RBFOX1: variants seen among roughly 807,000 people sequenced by gnomAD.
The protein encoded by RBFOX1 is RNA binding fox-1 homolog 1.
RBFOX1 carries 8 observed loss-of-function variants against 57.7 expected under a neutral mutation model. That is an observed-to-expected ratio of 0.14 (90% confidence interval 0.08 to 0.25). The LOEUF (loss-of-function observed/expected upper bound fraction) is 0.25. Ranked by LOEUF, RBFOX1 falls within the 10% of genes least tolerant of loss-of-function variation. The pLI, the probability that RBFOX1 is intolerant of heterozygous loss-of-function variation, is 1.00. For synonymous variants in RBFOX1, 326 were observed against 222.4 expected, an observed-to-expected ratio of 1.47 and a Z score of -4.15; for missense variants, 611 against 548.5, an observed-to-expected ratio of 1.11 and a Z score of -1.14.
chr16:7,001,393 TGTATTTGTATA>T (rs1568311707), intron 3 of RBFOX1, among the ~76,000 whole-genome samples: 2,090 of 116,726 alleles, frequency 0.018, 40 homozygotes, highest in African/African-American at 0.09. Context: ...TATGTGTATG[TGTATTTGTATA>T]TGTATATGTA....
intron 4 of RBFOX1, among the ~76,000 whole-genome samples, chr16:7,502,681 T>C (rs1159311862): frequency 6.6e-6 from 1 of 152,210 alleles, no homozygotes; most frequent in Non-Finnish European, 1.5e-5. Context: ...TGGTGAGGCA[T>C]AAACTTTTAT....
chr16:7,116,881 A>T (rs2066021617), intron 4 of RBFOX1, among the ~76,000 whole-genome samples: 1 of 152,088 alleles, frequency 6.6e-6, no homozygotes, highest in South Asian at 2.1e-4. Flanking sequence ...TCAACACAAG[A>T]TTTAAATAAT....
intron 1 of RBFOX1, among the ~76,000 whole-genome samples, chr16:6,164,544 G>T (rs541927971): frequency 5.1e-4 from 76 of 149,802 alleles, no homozygotes; most frequent in Non-Finnish European, 8.6e-4. Flanking sequence ...TCGGCCCACT[G>T]CAACCTCTGC....
intron 4 of RBFOX1, among the ~76,000 whole-genome samples, chr16:5,942,887 A>G (rs970088524): frequency 2.6e-5 from 4 of 152,172 alleles, no homozygotes; most frequent in Non-Finnish European, 4.4e-5. Context: ...TGTGGTTGCC[A>G]TCTTTATTGT....
chr16:6,432,122 T>A (rs2094118049), intron 2 of RBFOX1, among the ~76,000 whole-genome samples: 2 of 151,964 alleles, frequency 1.3e-5, no homozygotes, highest in Non-Finnish European at 2.9e-5. Flanking sequence ...CCATCAGGCC[T>A]TACCTATTTT....
At chr16:6,789,536 C>G (rs755607089) in intron 3 of RBFOX1, among the ~76,000 whole-genome samples, 5 of 152,166 alleles carry the variant, frequency 3.3e-5, no homozygotes, top group Non-Finnish European at 7.3e-5. Flanking sequence ...CAAATTTAAG[C>G]AAATTATTGC....
At chr16:6,533,488 A>C (rs1951949175) in intron 2 of RBFOX1, among the ~76,000 whole-genome samples, 1 of 152,096 alleles carries the variant, frequency 6.6e-6, no homozygotes, top group South Asian at 2.1e-4. Flanking sequence ...TGGACTCTAC[A>C]CTTGACACAG....
intron 1 of RBFOX1, among the ~76,000 whole-genome samples, chr16:6,277,199 A>T (rs78150755): frequency 0.18 from 27,652 of 151,790 alleles, 2,548 homozygotes; most frequent in African/African-American, 0.2. Flanking sequence ...AGTGGCTCAC[A>T]CCTGTAATCC....
chr16:6,287,975 C>T (rs1454132391), intron 1 of RBFOX1, among the ~76,000 whole-genome samples: 1 of 152,078 alleles, frequency 6.6e-6, no homozygotes, highest in African/African-American at 2.4e-5. Context: ...CAGTGTTAAG[C>T]GTTGGTGCAT....
chr16:6,139,624 TG>T (rs2096698175), intron 1 of RBFOX1, among the ~76,000 whole-genome samples: 1 of 152,240 alleles, frequency 6.6e-6, no homozygotes, highest in Non-Finnish European at 1.5e-5. Context: ...TCAGCACCCA[TG>T]TAACTGCTTT....
intron 2 of RBFOX1, among the ~76,000 whole-genome samples, chr16:6,466,802 A>G (rs1048785702): frequency 6.6e-6 from 1 of 152,182 alleles, no homozygotes; most frequent in African/African-American, 2.4e-5. Flanking sequence ...TAGTGCAGCT[A>G]CAGAAGAAGC....
chr16:6,512,328 AT>A (rs2096272855), intron 2 of RBFOX1, among the ~76,000 whole-genome samples: 1 of 147,974 alleles, frequency 6.8e-6, no homozygotes, highest in Non-Finnish European at 1.5e-5. Context: ...TTATGCATGT[AT>A]TTAATGAAAA....
intron 3 of RBFOX1, 37 bp from the exon 4 acceptor site, chr16:7,052,020 C>T (rs746059188): frequency 2.5e-5 from 39 of 1,575,276 alleles, no homozygotes; most frequent in Non-Finnish European, 3.3e-5. Context: ...GATCCGGAGC[C>T]TTCTGACTTT....
intron 14 of RBFOX1, among the ~76,000 whole-genome samples, chr16:7,695,256 T>TGCTTC (rs1353530297): frequency 2.0e-5 from 3 of 152,184 alleles, no homozygotes; most frequent in Non-Finnish European, 4.4e-5. Flanking sequence ...GAGACACCCA[T>TGCTTC]ATCCATCAAA....
At chr16:7,556,431 G>C (rs1404016822) in intron 5 of RBFOX1, among the ~76,000 whole-genome samples, 2 of 152,152 alleles carry the variant, frequency 1.3e-5, no homozygotes, top group Non-Finnish European at 2.9e-5. Flanking sequence ...TGGTACCCAA[G>C]ATAAATGTAT....
At chr16:7,556,704 C>T (rs1453454912) in intron 5 of RBFOX1, among the ~76,000 whole-genome samples, 1 of 152,166 alleles carries the variant, frequency 6.6e-6, no homozygotes, top group African/African-American at 2.4e-5. Flanking sequence ...TGGACCCCTT[C>T]TTAGGCTTTA....
intron 1 of RBFOX1, among the ~76,000 whole-genome samples, chr16:6,103,338 T>A (rs2096337622): frequency 6.6e-6 from 1 of 152,198 alleles, no homozygotes. Context: ...ATTCCCTTCA[T>A]AAGTATTTTT....
chr16:5,935,312 G>A (rs560195245), intron 4 of RBFOX1, among the ~76,000 whole-genome samples: 17 of 152,288 alleles, frequency 1.1e-4, no homozygotes, highest in African/African-American at 4.1e-4. Flanking sequence ...ATGCCACATG[G>A]GGCCACATGG....
At chr16:6,526,829 C>CAAAAAAAAAAAAAAAAAAA (rs541468859) in intron 2 of RBFOX1, among the ~76,000 whole-genome samples, 5 of 32,892 alleles carry the variant, frequency 1.5e-4, no homozygotes, top group Admixed American at 5.2e-4. Context: ...GACTCTGTCT[C>CAAAAAAAAAAAAAAAAAAA]AAAAAAAAAA....
Sources: gnomAD v4.1 joint callset for allele counts (sites outside exome capture counted in the v4.1 genomes callset) on GRCh38, gnomAD v4.1.1 for gene constraint, MANE v1.5 for transcripts, NCBI Gene and HGNC (gene_info 2026-07-23, HGNC 2026-07-21) for gene names.